ADAMTS2: variants seen among roughly 807,000 people sequenced by gnomAD.
ADAMTS2 encodes A disintegrin and metalloproteinase with thrombospondin motifs 2.
Under a neutral mutation model 123.0 loss-of-function variants are expected in ADAMTS2, and 50 were observed. That is an observed-to-expected ratio of 0.41 (90% CI 0.32 to 0.51). The LOEUF (loss-of-function observed/expected upper bound fraction) is 0.51, where lower values mean the gene tolerates loss of function less well. ADAMTS2 is among the 20% of genes least tolerant of loss of function. The pLI, the probability that ADAMTS2 is intolerant of heterozygous loss-of-function variation, is 0.35. For missense variants in ADAMTS2, 1,494 were observed against 1,705.2 expected (o/e 0.88, Z 2.18); for synonymous variants, 678 against 695.4 (o/e 0.98, Z 0.39).
In ADAMTS2 at chr5:179,112,620, G is replaced by C. The variant is rs77506744; in HGVS notation, c.*1247C>G. On this transcript the variant is annotated 3_prime_UTR_variant, in exon 22 of 22. Coordinates refer to ENST00000251582, the MANE Select transcript of ADAMTS2 (RefSeq NM_014244.5). ...TCTGGAGCTTCTGAGAGACAGAGGC[G>C]AGGTGGGGCAGGGCGGGACAGGGAA... 7.2e-5 allele frequency: 11 copies of C among 152,272 alleles called. No homozygotes were observed. The highest frequency in any genetic ancestry group is 1.3e-4 in the Non-Finnish European group (9 of 68,116). 9.4% of individuals were successfully genotyped at this position (152,272 alleles called of 1,614,324 possible).
rs565944969 is a variant in ADAMTS2 at position 179,181,640 on chromosome 5, C to A, written c.892-485G>T. On this transcript the variant is annotated intron_variant, in intron 4 of 21. Transcript: ENST00000251582. The surrounding 1 kb of genome is among the most constrained non-coding windows in gnomAD (Gnocchi z 4.1). ...AATGGGGGCGGTTCTAGGCCCACCA[C>A]CAGGTATAATGTTTTAACGTGTTAA... Among the ~76,000 whole-genome samples the A allele has an allele frequency of 2.6e-5, 4 of 152,158 alleles. No individual in the cohort carries two copies. The highest frequency in any genetic ancestry group is 5.9e-5 in the Non-Finnish European group (4 of 68,026).
At chr5:179,344,414 C>A (rs1757878334) in intron 1 of ADAMTS2, among the ~76,000 whole-genome samples, 1 of 152,216 alleles carries the variant, frequency 6.6e-6, no homozygotes, top group Admixed American at 6.5e-5. Flanking sequence ...CTGCCAAGAG[C>A]TCTGCCCCCT....
intron 3 of ADAMTS2, among the ~76,000 whole-genome samples, chr5:179,245,313 C>T (rs1765759006): frequency 6.6e-6 from 1 of 152,136 alleles, no homozygotes; most frequent in African/African-American, 2.4e-5. Flanking sequence ...GGAACAAAAC[C>T]CTGCCAAAAC....
At chr5:179,289,131 C>T (rs1034900949) in intron 2 of ADAMTS2, among the ~76,000 whole-genome samples, 4 of 152,170 alleles carry the variant, frequency 2.6e-5, no homozygotes, top group African/African-American at 9.7e-5. Flanking sequence ...CAGGGCTCTG[C>T]TCACACCCAC....
rs2303638 is a variant in ADAMTS2 at position 179,140,053 on chromosome 5, A to G, written c.1630-18T>C. The stretch of plus-strand genomic sequence containing the variant: ...AAACAATGCTGAAAGACAGGAAGCC[A>G]GTCCCTCCACTCACCCTCACACCGG... On this transcript the variant is annotated intron_variant, in intron 10 of 21. Transcript: ENST00000251582. 404,593 of 1,613,632 alleles carry G rather than the reference A, an allele frequency of 0.25. 53,159 individuals are homozygous for G. The highest frequency in any genetic ancestry group is 0.37 in the East Asian group (16,699 of 44,856).
At chr5:179,334,818 G>A (rs765975672) in intron 2 of ADAMTS2, among the ~76,000 whole-genome samples, 5 of 152,142 alleles carry the variant, frequency 3.3e-5, no homozygotes, top group South Asian at 2.1e-4. Context: ...TATTCAATGA[G>A]CAATGGCAAA....
In ADAMTS2 at chr5:179,189,559, A is replaced by G. The variant is rs562800425; in HGVS notation, c.892-8404T>C. ...TTTTTAGTAGAGGCAGGGTTTCACA[A>G]TGTTAGCCAGGATGGTCTTGATCTC... On this transcript the variant is annotated intron_variant, in intron 4 of 21. Transcript: ENST00000251582. This position sits in a 1 kb window ranked among gnomAD's most constrained non-coding sequence, Gnocchi z 4.2. Among the ~76,000 whole-genome samples, 38 of 129,478 alleles carry G rather than the reference A, an allele frequency of 2.9e-4. No homozygotes were observed. In the South Asian group the frequency reaches 6.4e-3, roughly 22 times the overall value. 84.9% of individuals were successfully genotyped at this position (129,478 alleles called of 152,430 possible).
chr5:179,240,081 T>G, intron 3 of ADAMTS2, among the ~76,000 whole-genome samples: 2 of 150,716 alleles, frequency 1.3e-5, no homozygotes, highest in South Asian at 2.1e-4. Context: ...GCTGGGAGAG[T>G]AGGTGACAGA....
At chr5:179,274,676 G>A (rs772874541) in intron 2 of ADAMTS2, among the ~76,000 whole-genome samples, 5 of 152,232 alleles carry the variant, frequency 3.3e-5, no homozygotes, top group Non-Finnish European at 7.3e-5. Context: ...CTGGCTGGGA[G>A]CCTCTGCAGA....
rs1327968473 is a variant in ADAMTS2 at position 179,308,157 on chromosome 5, G to C, written c.535-35093C>G. Among the ~76,000 whole-genome samples, 2 of 152,190 alleles carry C rather than the reference G, an allele frequency of 1.3e-5. No individual in the cohort carries two copies. The highest frequency in any genetic ancestry group is 4.8e-5 in the African/African-American group (2 of 41,446). ...TGGAGCGACAACAAGGAGAAAACAG[G>C]GGTTTAAGTGGAGGATCCGGTGCTC... On this transcript the variant is annotated intron_variant, in intron 2 of 21. Coordinates refer to ENST00000251582, the MANE Select transcript of ADAMTS2 (RefSeq NM_014244.5). The surrounding 1 kb of genome is among the most constrained non-coding windows in gnomAD (Gnocchi z 6.6).
At chr5:179,226,173 G>T (rs551657752) in intron 3 of ADAMTS2, among the ~76,000 whole-genome samples, 1 of 151,924 alleles carries the variant, frequency 6.6e-6, no homozygotes, top group Non-Finnish European at 1.5e-5. Flanking sequence ...GAAAAGAAAA[G>T]ACAGCAGCTT....
intron 3 of ADAMTS2, among the ~76,000 whole-genome samples, chr5:179,232,423 T>C (rs1238257652): frequency 6.6e-6 from 1 of 152,240 alleles, no homozygotes. Context: ...ATCTTCATTC[T>C]GCAGATGGGG....
chr5:179,226,183 T>C (rs1254358600), intron 3 of ADAMTS2, among the ~76,000 whole-genome samples: 1 of 151,338 alleles, frequency 6.6e-6, no homozygotes, highest in Non-Finnish European at 1.5e-5. Context: ...GACAGCAGCT[T>C]TTCTTTTCTT....
In ADAMTS2 at chr5:179,152,150, G is replaced by T. The variant is rs1763371574; in HGVS notation, c.1621C>A (p.Pro541Thr). The T allele has an allele frequency of 6.2e-7, 1 of 1,613,652 alleles. No individual in the cohort carries two copies. Among genetic ancestry groups the T allele is most frequent in the African/African-American group, 1.3e-5 (1 of 75,006 alleles). The change falls in exon 10 of 22, where the codon CCT (proline) becomes ACT (threonine). Residue 541 changes from proline (P) to threonine (T), a missense_variant. Physicochemically the swap from Pro to Thr is conservative, Grantham distance 38. Around this residue, in one of 6 missense-constraint regions of ADAMTS2, gnomAD observed 953 missense variants for 1,124.7 expected, o/e 0.85. Transcript: ENST00000251582. ...GPPLDGTMCA[P>T]GKHCFKGHCI... Reference sequence around the variant, plus strand: ...CCTTGATGCTGCCTCACCTTGCCAGGTGCACACATAGTCCCGTCCAAGGGG... The same window carrying T: ...CCTTGATGCTGCCTCACCTTGCCAGTTGCACACATAGTCCCGTCCAAGGGG...
chr5:179,241,399 C>T (rs1391602825), intron 3 of ADAMTS2, among the ~76,000 whole-genome samples: 4 of 152,206 alleles, frequency 2.6e-5, no homozygotes, highest in South Asian at 2.1e-4. Flanking sequence ...TGGTGGAAAA[C>T]GAGGAGACAG....
intron 2 of ADAMTS2, among the ~76,000 whole-genome samples, chr5:179,296,998 T>C (rs1199042160): frequency 5.9e-5 from 9 of 152,232 alleles, no homozygotes; most frequent in South Asian, 2.1e-4. Context: ...ATCATCAAAA[T>C]AGAACTCAGA....
chr5:179,252,806 T>G (rs943738573), intron 3 of ADAMTS2, among the ~76,000 whole-genome samples: 11 of 152,238 alleles, frequency 7.2e-5, no homozygotes, highest in Non-Finnish European at 1.0e-4. Flanking sequence ...CTGTGCTGGG[T>G]TTTTTGTCTA....
At chr5:179,243,401 A>T (rs558512266) in intron 3 of ADAMTS2, among the ~76,000 whole-genome samples, 39 of 152,348 alleles carry the variant, frequency 2.6e-4, no homozygotes, top group South Asian at 2.5e-3. Context: ...AGGGACAGTC[A>T]TAGGGAGCCC....
At chr5:179,266,219 T>A (rs1320596513) in intron 3 of ADAMTS2, among the ~76,000 whole-genome samples, 1 of 152,218 alleles carries the variant, frequency 6.6e-6, no homozygotes, top group East Asian at 1.9e-4. Flanking sequence ...AGCTGAATCA[T>A]GACCCCCGGA....
Sources: gnomAD v4.1 joint callset for allele counts (sites outside exome capture counted in the v4.1 genomes callset) on GRCh38, gnomAD v4.1.1 for gene constraint, gnomAD v4.1.1 regional missense constraint, Gnocchi (gnomAD v3.1) non-coding constraint, MANE v1.5 for transcripts, NCBI Gene and HGNC (gene_info 2026-07-23, HGNC 2026-07-21) for gene names.